EVI5: variants seen among roughly 807,000 people sequenced by gnomAD.
EVI5 encodes ecotropic viral integration site 5, also known as ecotropic viral integration site 5 protein homolog.
A neutral mutation model predicts 112.0 loss-of-function variants in EVI5; 73 were observed. The observed-to-expected ratio is 0.65, with a 90% confidence interval of 0.54 to 0.79. The LOEUF (loss-of-function observed/expected upper bound fraction) is 0.79, where lower values mean the gene tolerates loss of function less well. Ranked by LOEUF, EVI5 falls within the 30% of genes least tolerant of loss-of-function variation. The probability of loss-of-function intolerance (pLI) is 0.00; values close to 1 mark genes in which losing one functional copy is unlikely to be tolerated. For synonymous variants in EVI5, 305 were observed against 319.9 expected (o/e 0.95, Z 0.50); for missense variants, 900 against 968.8 (o/e 0.93, Z 0.94).
chr1:92,681,920 G>C (rs1667653817), intron 9 of EVI5, among the ~76,000 whole-genome samples: 1 of 152,120 alleles, frequency 6.6e-6, no homozygotes, highest in Non-Finnish European at 1.5e-5. Context: ...CCATGTTTCT[G>C]ACTTCACTGC....
intron 1 of EVI5, chr1:92,749,039 C>G (rs912799633): frequency 1.8e-5 from 3 of 164,858 alleles, no homozygotes; most frequent in African/African-American, 7.6e-5. Flanking sequence ...GCACTCTAGC[C>G]TGGGCAACAA....
At chr1:92,604,241 T>G (rs1649841342) in intron 18 of EVI5, among the ~76,000 whole-genome samples, 1 of 151,680 alleles carries the variant, frequency 6.6e-6, no homozygotes, top group Admixed American at 6.6e-5. Flanking sequence ...GTGCCTGTAG[T>G]CCCAGGTACT....
At chr1:92,602,261 G>T (rs1289453373) in intron 18 of EVI5, among the ~76,000 whole-genome samples, 2 of 152,096 alleles carry the variant, frequency 1.3e-5, no homozygotes, top group Non-Finnish European at 2.9e-5. Flanking sequence ...TTGTGACTTG[G>T]AGTACAATAT....
At chr1:92,574,882 T>C (rs146244310) in intron 18 of EVI5, among the ~76,000 whole-genome samples, 1 of 152,326 alleles carries the variant, frequency 6.6e-6, no homozygotes, top group East Asian at 1.9e-4. Flanking sequence ...TCTTGGAAAC[T>C]TTCTTAGGTA....
At chr1:92,764,364 T>G (rs55716438) in intron 1 of EVI5, among the ~76,000 whole-genome samples, 3 of 152,228 alleles carry the variant, frequency 2.0e-5, no homozygotes, top group African/African-American at 7.2e-5. Flanking sequence ...TTTAGCATTT[T>G]CAATGTTTGT....
chr1:92,682,384 T>C (rs1667735623), intron 9 of EVI5, among the ~76,000 whole-genome samples: 1 of 152,192 alleles, frequency 6.6e-6, no homozygotes, highest in African/African-American at 2.4e-5. Flanking sequence ...CTGTATATCA[T>C]TCTGTCAGTC....
chr1:92,590,062 T>G lies in EVI5; in HGVS notation c.2070+15245A>C, dbSNP rs554526536. On this transcript the variant is annotated intron_variant, in intron 18 of 19. Transcript: ENST00000684568. ...GACCTGCAGCTAACGGTCCTGACTG[T>G]TAGAAGGAAAACTAACAAACAGAAA... 9.9e-4 allele frequency among the ~76,000 whole-genome samples: 150 copies of G among 152,210 alleles called. 1 individual carries two copies. Among genetic ancestry groups the G allele is most frequent in the Non-Finnish European group, 1.6e-3 (110 of 68,012 alleles).
chr1:92,519,469 G>GA (rs1015678117), intron 19 of EVI5, among the ~76,000 whole-genome samples: 3 of 152,036 alleles, frequency 2.0e-5, no homozygotes, highest in Non-Finnish European at 2.9e-5. Context: ...CCAAGCAAAT[G>GA]AAAAAACCAA....
At chr1:92,682,560 G>A (rs889411960) in intron 9 of EVI5, among the ~76,000 whole-genome samples, 3 of 152,056 alleles carry the variant, frequency 2.0e-5, no homozygotes, top group Non-Finnish European at 2.9e-5. Context: ...TCAGGAGTTC[G>A]AGACCAGCCT....
rs1328526529 is a variant in EVI5 at position 92,628,763 on chromosome 1, A to C, written c.1528-2829T>G. ...TGATTCTATGAAATTTTCTATCTCT[A>C]AATATTTCACGGTACACATGCAAAT... On this transcript the variant is annotated intron_variant, in intron 14 of 19. Transcript: ENST00000684568. Among the ~76,000 whole-genome samples, 6 of 152,342 alleles carry C rather than the reference A, an allele frequency of 3.9e-5. No individual in the cohort carries two copies. In the South Asian group the frequency reaches 1.2e-3, roughly 32 times the overall value.
At position 92,651,788 on chromosome 1, in the gene EVI5, T is replaced by C. The variant is rs1662144100; in HGVS notation, c.1392+10931A>G. On this transcript the variant is annotated intron_variant, in intron 13 of 19. Coordinates refer to ENST00000684568, the MANE Select transcript of EVI5 (RefSeq NM_001350197.2). ...ATGGCGTGAACCCGGGAGGCGGAGC[T>C]TGCAGTGAGCCGAGATCCCGCCACT... Among the ~76,000 whole-genome samples the C allele has an allele frequency of 2.1e-5, 3 of 143,120 alleles. No individual in the cohort carries two copies. The South Asian group carries it at 7.0e-4, about 33-fold the overall frequency. The allele number at this position is 143,120 out of a possible 152,430, so 93.9% of individuals were successfully genotyped here.
chr1:92,785,172 C>T, upstream of EVI5: 1 of 925,290 alleles, frequency 1.1e-6, no homozygotes, highest in Non-Finnish European at 1.3e-6. Flanking sequence ...TGGGTTGGAG[C>T]AGGTTAGGGG....
intron 13 of EVI5, among the ~76,000 whole-genome samples, chr1:92,640,680 A>G (rs1036261384): frequency 5.3e-5 from 8 of 151,280 alleles, no homozygotes; most frequent in Non-Finnish European, 1.0e-4. Flanking sequence ...TTCAACCAAC[A>G]CGGTTCTAGA....
intron 2 of EVI5, among the ~76,000 whole-genome samples, chr1:92,720,577 A>G (rs1674575421): frequency 6.6e-6 from 1 of 152,250 alleles, no homozygotes; most frequent in African/African-American, 2.4e-5. Flanking sequence ...AAACCCTAGA[A>G]GAAAACCTAA....
intron 1 of EVI5, among the ~76,000 whole-genome samples, chr1:92,744,958 CAG>C (rs1679038982): frequency 6.6e-6 from 1 of 151,988 alleles, no homozygotes; most frequent in Non-Finnish European, 1.5e-5. Context: ...TTTTTTGAGA[CAG>C]AGTCTTGTCA....
chr1:92,600,398 T>TAC (rs1648876474), intron 18 of EVI5, among the ~76,000 whole-genome samples: 2 of 152,238 alleles, frequency 1.3e-5, no homozygotes, highest in Middle Eastern at 3.4e-3. Flanking sequence ...ACATACAATG[T>TAC]AACTTTGTTT....
intron 2 of EVI5, 36 bp from the exon 3 acceptor site, chr1:92,704,780 G>A (rs201951532): frequency 1.0e-4 from 107 of 1,051,216 alleles, no homozygotes; most frequent in Non-Finnish European, 1.3e-4. Context: ...AGATCTAATC[G>A]GACAGTGATA....
chr1:92,651,995 G>T (rs556477742), intron 13 of EVI5, among the ~76,000 whole-genome samples: 1 of 152,236 alleles, frequency 6.6e-6, no homozygotes, highest in East Asian at 1.9e-4. Context: ...CTACTTCTAG[G>T]TATATGCTTA....
At chr1:92,620,433 A>AG (rs1475231322) in intron 16 of EVI5, among the ~76,000 whole-genome samples, 8 of 151,026 alleles carry the variant, frequency 5.3e-5, no homozygotes, top group African/African-American at 7.3e-5. Context: ...AGAAACTCAG[A>AG]GAAAAAAAAA....
Sources: allele counts gnomAD v4.1 joint callset (sites outside exome capture counted in the v4.1 genomes callset), GRCh38; gene constraint gnomAD v4.1.1; transcripts MANE v1.5; gene names NCBI Gene and HGNC (gene_info 2026-07-23, HGNC 2026-07-21).